The following SKIDA1 variants were observed in gnomAD, a reference collection of about 807,000 sequenced individuals.
SKIDA1 encodes SKI/DACH domain containing 1.
A neutral mutation model predicts 51.4 loss-of-function variants in SKIDA1; 18 were observed. The observed-to-expected ratio is 0.35, with a 90% confidence interval of 0.24 to 0.52. SKIDA1 has a LOEUF of 0.52. SKIDA1 is among the 20% of genes least tolerant of loss of function. The pLI is 0.95. For missense variants in SKIDA1, 1,104 were observed against 1,180.6 expected, an observed-to-expected ratio of 0.94 and a Z score of 0.95; for synonymous variants, 579 against 500.5, an observed-to-expected ratio of 1.16 and a Z score of -2.09.
In SKIDA1 at chr10:21,514,874, G is replaced by C. The variant is rs2032147214; in HGVS notation, c.*222C>G. ...AGTCTTTAGCCTGAAGTAGTCTGTG[G>C]AATGTAAACCAACCCTTCTCCCACC... On this transcript the variant is annotated 3_prime_UTR_variant, in exon 4 of 4. Coordinates refer to ENST00000449193, the MANE Select transcript of SKIDA1 (RefSeq NM_207371.4). 1.9e-6 allele frequency: 1 copy of C among 513,040 alleles called. No homozygotes were observed. The highest frequency in any genetic ancestry group is 3.2e-6 in the Non-Finnish European group (1 of 312,230). The allele number at this position is 513,040 out of a possible 1,614,324, so 31.8% of individuals were successfully genotyped here.
intron 3 of SKIDA1, among the ~76,000 whole-genome samples, chr10:21,520,999 C>G (rs2032377750): frequency 6.6e-6 from 1 of 151,448 alleles, no homozygotes; most frequent in African/African-American, 2.4e-5. Flanking sequence ...CCTTTAACTT[C>G]CCCATCCTTG....
rs2032118346 is a variant in SKIDA1, at chr10:21,514,172, GC to G, written c.*923del. 7.7e-6 allele frequency: 1 copy of G among 129,892 alleles called. No homozygotes were observed. The highest frequency in any genetic ancestry group is 3.0e-5 in the African/African-American group (1 of 33,672). 8.0% of individuals were successfully genotyped at this position (129,892 alleles called of 1,614,324 possible). A position where few individuals can be genotyped will look rare whatever the true frequency, so the allele number is the denominator to read the frequency against. ...GGAGGTTGCAGTGAGCCAAGATTGTGCCACTGCACTCCAGCCTGGGCGACAC... is the reference window on the plus strand; with the variant it reads ...GGAGGTTGCAGTGAGCCAAGATTGTGCACTGCACTCCAGCCTGGGCGACAC... On this transcript the variant is annotated 3_prime_UTR_variant, in exon 4 of 4. Coordinates refer to ENST00000449193, the MANE Select transcript of SKIDA1 (RefSeq NM_207371.4).
At position 21,521,058 on chromosome 10, in the gene SKIDA1, G is replaced by GCACACACACACACACACA. The variant is rs139184900; in HGVS notation, c.-1837+313_-1837+330dup. 6.1e-3 allele frequency among the ~76,000 whole-genome samples: 889 copies of GCACACACACACACACACA among 146,748 alleles called. 10 individuals carry two copies. Among genetic ancestry groups the GCACACACACACACACACA allele is most frequent in the African/African-American group, 0.021 (808 of 39,348 alleles). On this transcript the variant is annotated intron_variant, in intron 3 of 3. Coordinates refer to ENST00000449193, the MANE Select transcript of SKIDA1 (RefSeq NM_207371.4). ...AGCACTCTTGCTTGAATGAGTGCAT[G>GCACACACACACACACACA]CACACACACACACACACACACACAC...
Position 21,519,587 on chromosome 10 carries a change from T to C in SKIDA1, c.-1765A>G, listed in dbSNP as rs2131274297. 6.0e-6 allele frequency: 1 copy of C among 167,150 alleles called. No homozygotes were observed. The highest frequency in any genetic ancestry group is 2.1e-4 in the South Asian group (1 of 4,820). The allele number at this position is 167,150 out of a possible 1,614,324, so 10.4% of individuals were successfully genotyped here. A position where few individuals can be genotyped will look rare whatever the true frequency, so the allele number is the denominator to read the frequency against. On this transcript the variant is annotated 5_prime_UTR_variant, in exon 4 of 4. It removes the in-frame stop codon of an upstream open reading frame in the 5' UTR. Coordinates refer to ENST00000449193, the MANE Select transcript of SKIDA1 (RefSeq NM_207371.4). ...TACAACATAAATGCAACCCAGGCAT[T>C]TATGTGTTTCCTTGTTCCTCCAAAA...
intron 3 of SKIDA1, among the ~76,000 whole-genome samples, chr10:21,520,595 T>C (rs1156467247): frequency 6.0e-5 from 9 of 151,150 alleles, no homozygotes; most frequent in African/African-American, 2.2e-4. Flanking sequence ...GAGCATCCTT[T>C]TTTTTTTTTC....
In SKIDA1 at chr10:21,515,066, T is replaced by C. The variant is rs1258223550; in HGVS notation, c.*30A>G. ...AGTTTACAACAAAAGGAAGGTAATA[T>C]GGTTCAAGAAAATATCTTCCAAAAC... is the stretch of plus-strand genomic sequence containing the variant. On this transcript the variant is annotated 3_prime_UTR_variant, in exon 4 of 4. Coordinates refer to ENST00000449193, the MANE Select transcript of SKIDA1 (RefSeq NM_207371.4). The C allele has an allele frequency of 7.1e-6, 11 of 1,539,624 alleles. No individual in the cohort carries two copies. Among genetic ancestry groups the C allele is most frequent in the East Asian group, 4.7e-5 (2 of 42,552 alleles).
intron 1 of SKIDA1, among the ~76,000 whole-genome samples, chr10:21,525,310 G>A (rs940656522): frequency 1.4e-4 from 21 of 152,208 alleles, no homozygotes; most frequent in African/African-American, 4.6e-4. Flanking sequence ...GGCTGGGAAA[G>A]GAGAGGGATT....
intron 2 of SKIDA1, among the ~76,000 whole-genome samples, chr10:21,523,361 TAAAG>T (rs1415286751): frequency 6.6e-6 from 1 of 152,158 alleles, no homozygotes; most frequent in Admixed American, 6.5e-5. Context: ...GCTGAATAAA[TAAAG>T]AATGTTTACA....
chr10:21,522,410 C>CT (rs994585405), intron 2 of SKIDA1, among the ~76,000 whole-genome samples: 2 of 151,636 alleles, frequency 1.3e-5, no homozygotes, highest in African/African-American at 4.8e-5. Flanking sequence ...TGTAAGTATG[C>CT]TGGTTAAAAG....
chr10:21,517,851 G>T lies in SKIDA1; in HGVS notation c.-29C>A. 1 of 1,569,180 alleles carries T rather than the reference G, an allele frequency of 6.4e-7. No individual in the cohort carries two copies. The highest frequency in any genetic ancestry group is 8.7e-7 in the Non-Finnish European group (1 of 1,152,656). Reference sequence around the variant, plus strand: ...GGGCACTAAATGATCCCCACCATTTGCAGTAAATATATACGTGACGCATAC... The same window carrying T: ...GGGCACTAAATGATCCCCACCATTTTCAGTAAATATATACGTGACGCATAC... On this transcript the variant is annotated 5_prime_UTR_variant, in exon 4 of 4. The change creates a premature stop within an existing upstream ORF in the 5' untranslated region. Transcript: ENST00000449193. The surrounding 1 kb of genome is among the most constrained non-coding windows in gnomAD (Gnocchi z 6.9).
At chr10:21,522,163 C>T (rs983056126) in intron 2 of SKIDA1, among the ~76,000 whole-genome samples, 3 of 148,338 alleles carry the variant, frequency 2.0e-5, no homozygotes, top group African/African-American at 7.4e-5. Flanking sequence ...TGCATTTCTA[C>T]ACTACAACTG....
chr10:21,515,376 T>G lies in SKIDA1; in HGVS notation c.2447A>C (p.Asn816Thr), dbSNP rs772459474. 3 of 1,614,050 alleles carry G rather than the reference T, an allele frequency of 1.9e-6. No homozygotes were observed. The South Asian group carries it at 3.3e-5, about 18-fold the overall frequency. Residue 816 changes from asparagine to threonine, a missense_variant, in exon 4 of 4, where the codon AAT becomes ACT. By Grantham distance (65) the Asn-to-Thr change is moderately conservative. This residue lies in a region of SKIDA1 where 112 missense variants were observed against 168.3 expected (regional missense o/e 0.67). Coordinates refer to ENST00000449193, the MANE Select transcript of SKIDA1 (RefSeq NM_207371.4). The stretch of plus-strand genomic sequence containing the variant: ...TGTAAAATCATCCAGTGTTCCTTCA[T>G]TTGTCTCAGTTTTACCTGTAGGACG... Reference protein sequence around the residue: ...SPRPTGKTETNEGTLDDFTVI... With the variant: ...SPRPTGKTETTEGTLDDFTVI...
At chr10:21,521,729 A>G (rs61011395) in intron 2 of SKIDA1, among the ~76,000 whole-genome samples, 1 of 152,376 alleles carries the variant, frequency 6.6e-6, no homozygotes, top group East Asian at 1.9e-4. Flanking sequence ...TAATCTACAC[A>G]CTATTGTAAA....
chr10:21,517,072 C>A lies in SKIDA1; in HGVS notation c.751G>T (p.Ala251Ser). Residue 251 changes from alanine (A) to serine (S), a missense_variant, in exon 4 of 4, where the codon GCC becomes TCC. By Grantham distance (99) the Ala-to-Ser change is moderately conservative. Around this residue, in one of 3 missense-constraint regions of SKIDA1, gnomAD observed 938 missense variants for 886.4 expected, o/e 1.06. Coordinates refer to ENST00000449193, the MANE Select transcript of SKIDA1 (RefSeq NM_207371.4). This position sits in a 1 kb window ranked among gnomAD's most constrained non-coding sequence, Gnocchi z 6.9. ...AAAAYYQVSA[A>S]GPQPKAAAGA... ...GCCGCTGCCTTGGGCTGGGGCCCGG[C>A]CGCCGATACCTGGTAATAGGCGGCG... 1.0e-6 allele frequency: 1 copy of A among 994,002 alleles called. No homozygotes were observed. 61.6% of individuals were successfully genotyped at this position (994,002 alleles called of 1,614,324 possible). A position where few individuals can be genotyped will look rare whatever the true frequency, so the allele number is the denominator to read the frequency against.
At chr10:21,522,282 C>T (rs868048594) in intron 2 of SKIDA1, among the ~76,000 whole-genome samples, 1 of 47,736 alleles carries the variant, frequency 2.1e-5, no homozygotes, top group Non-Finnish European at 5.5e-5. Flanking sequence ...CCCCCCCCCC[C>T]CCCCCCCCCG....
rs1249134454 is a variant in SKIDA1 at position 21,516,061 on chromosome 10, C to T, written c.1762G>A (p.Ala588Thr). The change falls in exon 4 of 4, where the codon GCA becomes ACA. Residue 588 changes from alanine (A) to threonine (T), a missense_variant. Physicochemically the swap from Ala to Thr is moderately conservative, Grantham distance 58. Around this residue, in one of 3 missense-constraint regions of SKIDA1, gnomAD observed 938 missense variants for 886.4 expected, o/e 1.06. Transcript: ENST00000449193. This position sits in a 1 kb window ranked among gnomAD's most constrained non-coding sequence, Gnocchi z 5.7. ...CGGAGTATTCTTTGTTGTGGAAATG[C>T]ATTGTTTGTCTTTGGGCTAGGTGAA... ...ASSPSPKTNN[A>T]FPQQRILREA... is the part of the protein sequence containing the mutation. 4 of 1,613,892 alleles carry T rather than the reference C, an allele frequency of 2.5e-6. No homozygotes were observed. The African/African-American group carries it at 4.0e-5, about 16-fold the overall frequency.
intron 2 of SKIDA1, among the ~76,000 whole-genome samples, chr10:21,522,263 G>T (rs1813355967): frequency 8.3e-5 from 2 of 24,114 alleles, no homozygotes; most frequent in African/African-American, 4.0e-4. Context: ...GAGGATCACA[G>T]CCACCCCCCC....
rs1405022642 is a variant in SKIDA1 at position 21,518,263 on chromosome 10, T to A, written c.-441A>T. ...GCCGCTGCTTTAGCTACAAATAAAA[T>A]GACAGAGTGAAGTGAGCTCGTCCGG... On this transcript the variant is annotated 5_prime_UTR_variant, in exon 4 of 4. Transcript: ENST00000449193. 5.9e-6 allele frequency: 1 copy of A among 169,308 alleles called. No homozygotes were observed. Among genetic ancestry groups the A allele is most frequent in the Non-Finnish European group, 1.4e-5 (1 of 69,770 alleles). 10.5% of individuals were successfully genotyped at this position (169,308 alleles called of 1,614,324 possible). A position where few individuals can be genotyped will look rare whatever the true frequency, so the allele number is the denominator to read the frequency against.
chr10:21,515,052 AAAGG>A lies in SKIDA1; in HGVS notation c.*40_*43del. 1 of 1,510,006 alleles carries A rather than the reference AAAGG, an allele frequency of 6.6e-7. No homozygotes were observed. Among genetic ancestry groups the A allele is most frequent in the South Asian group, 1.3e-5 (1 of 74,864 alleles). 93.5% of individuals were successfully genotyped at this position (1,510,006 alleles called of 1,614,324 possible). A position where few individuals can be genotyped will look rare whatever the true frequency, so the allele number is the denominator to read the frequency against. On this transcript the variant is annotated 3_prime_UTR_variant, in exon 4 of 4. Coordinates refer to ENST00000449193, the MANE Select transcript of SKIDA1 (RefSeq NM_207371.4). ...AAACCATCCTGTGCAGTTTACAACA[AAAGG>A]AAGGTAATATGGTTCAAGAAAATAT...
Sources: gnomAD v4.1 joint callset for allele counts (sites outside exome capture counted in the v4.1 genomes callset) on GRCh38, gnomAD v4.1.1 for gene constraint, gnomAD v4.1.1 regional missense constraint, Gnocchi (gnomAD v3.1) non-coding constraint, MANE v1.5 for transcripts, NCBI Gene and HGNC (gene_info 2026-07-23, HGNC 2026-07-21) for gene names.